The following MMP8 variants were observed in gnomAD, a reference collection of about 807,000 sequenced individuals.
MMP8 encodes the protein neutrophil collagenase.
Under a neutral mutation model 51.2 loss-of-function variants are expected in MMP8, and 67 were observed. The ratio of observed to expected loss-of-function variants is 1.31; its 90% confidence interval spans 1.08 to 1.60. The LOEUF (loss-of-function observed/expected upper bound fraction) is 1.60. Among genes scored for constraint, MMP8 ranks in the 40% most tolerant of loss-of-function variants. The pLI is 0.00. For missense variants in MMP8, 654 were observed against 558.1 expected, an observed-to-expected ratio of 1.17 and a Z score of -1.73; for synonymous variants, 225 against 191.0, an observed-to-expected ratio of 1.18 and a Z score of -1.47.
In MMP8 at chr11:102,722,981, T is replaced by G. The variant is rs1040351441; in HGVS notation, c.103-308A>C. On this transcript the variant is annotated intron_variant, in intron 1 of 9. Coordinates refer to ENST00000236826, the MANE Select transcript of MMP8 (RefSeq NM_002424.3). ...TGTCTTCTTGTTTTTACAAAAAAAT[T>G]AGGACTAACATTAATTGACTTCTCT... The G allele has an allele frequency of 3.0e-6, 4 of 1,320,052 alleles. No homozygotes were observed. The African/African-American group carries it at 6.0e-5, about 20-fold the overall frequency. The allele number at this position is 1,320,052 out of a possible 1,614,324, so 81.8% of individuals were successfully genotyped here.
intron 4 of MMP8, among the ~76,000 whole-genome samples, chr11:102,719,562 G>T (rs1861409822): frequency 6.6e-6 from 1 of 152,198 alleles, no homozygotes; most frequent in South Asian, 2.1e-4. Context: ...GTAAGTGACA[G>T]ATTGGGGTCA....
At chr11:102,718,753 T>C (rs1014289695) in intron 4 of MMP8, among the ~76,000 whole-genome samples, 178 bp from the exon 5 acceptor site, 2 of 152,186 alleles carry the variant, frequency 1.3e-5, no homozygotes, top group African/African-American at 4.8e-5. Context: ...AGAATCAAGA[T>C]AGTGGTCATA....
chr11:102,723,682 C>A (rs750597450), intron 1 of MMP8: 2 of 287,720 alleles, frequency 7.0e-6, no homozygotes, highest in Non-Finnish European at 1.4e-5. Context: ...AGAACCCACT[C>A]CAGCAAAAAT....
chr11:102,717,943 C>T (rs558410704), intron 5 of MMP8, among the ~76,000 whole-genome samples: 2 of 152,200 alleles, frequency 1.3e-5, no homozygotes, highest in East Asian at 3.9e-4. Context: ...CACCTCTCTA[C>T]TGAAAATACA....
chr11:102,715,227 C>T, intron 7 of MMP8, 77 bp downstream of exon 7: 4 of 1,515,030 alleles, frequency 2.6e-6, no homozygotes, highest in Non-Finnish European at 3.5e-6. Context: ...CACCATGAAC[C>T]TGAAAGGGAC....
chr11:102,721,307 T>G, intron 4 of MMP8, 94 bp downstream of exon 4: 1 of 1,448,278 alleles, frequency 6.9e-7, no homozygotes, highest in African/African-American at 1.7e-5. Context: ...TGAAATATTA[T>G]GTTACCTTTA....
At chr11:102,713,506 A>T in intron 9 of MMP8, 49 bp from the exon 10 acceptor site, 2 of 1,431,424 alleles carry the variant, frequency 1.4e-6, no homozygotes, top group Non-Finnish European at 2.0e-6. Context: ...AGAATATCTC[A>T]GATGTCTTCA....
intron 2 of MMP8, 39 bp downstream of exon 2, chr11:102,722,390 T>A: frequency 6.2e-7 from 1 of 1,605,754 alleles, no homozygotes; most frequent in Non-Finnish European, 8.5e-7. Context: ...CAGTCCATAC[T>A]GGATAAATGA....
intron 4 of MMP8, among the ~76,000 whole-genome samples, chr11:102,720,103 T>C (rs1429468588): frequency 6.6e-6 from 1 of 152,158 alleles, no homozygotes; most frequent in African/African-American, 2.4e-5. Flanking sequence ...GTTAGCCCGA[T>C]GTGAATGGAA....
intron 2 of MMP8, 75 bp downstream of exon 2, chr11:102,722,354 A>G: frequency 6.8e-7 from 1 of 1,470,960 alleles, no homozygotes; most frequent in Non-Finnish European, 9.3e-7. Context: ...GTGTATCCCA[A>G]GAACAGTGTC....
At chr11:102,719,387 C>T (rs1861403839) in intron 4 of MMP8, among the ~76,000 whole-genome samples, 1 of 149,060 alleles carries the variant, frequency 6.7e-6, no homozygotes, top group Admixed American at 6.6e-5. Flanking sequence ...TTGTATATGC[C>T]TACTTTTAAA....
intron 1 of MMP8, chr11:102,723,219 T>C (rs1861526339): frequency 2.4e-6 from 1 of 417,954 alleles, no homozygotes; most frequent in Non-Finnish European, 4.6e-6. Flanking sequence ...AGCAATATCA[T>C]TGATATTAGC....
intron 5 of MMP8, among the ~76,000 whole-genome samples, chr11:102,717,283 G>T (rs1861326388): frequency 6.6e-6 from 1 of 152,182 alleles, no homozygotes; most frequent in Non-Finnish European, 1.5e-5. Flanking sequence ...GAAGAGAGAT[G>T]TAATGGTCTT....
intron 4 of MMP8, 140 bp from the exon 5 acceptor site, chr11:102,718,715 C>T (rs1009712381): frequency 3.3e-6 from 3 of 905,712 alleles, no homozygotes; most frequent in Admixed American, 5.2e-5. Flanking sequence ...ATCTTTCTTT[C>T]AGATACCTGA....
Position 102,722,629 on chromosome 11 carries a change from C to A in MMP8, c.147G>T (p.Gln49His). The A allele has an allele frequency of 6.2e-7, 1 of 1,613,842 alleles. No individual in the cohort carries two copies. The highest frequency in any genetic ancestry group is 2.2e-5 in the East Asian group (1 of 44,886). ...KFYQLPSNQYQSTRKNGTNVI... is the reference protein window; with the variant it reads ...KFYQLPSNQYHSTRKNGTNVI... ...CATTAGTGCCATTCTTCCTTGTAGA[C>A]TGATACTGGTTGCTTGGTAATTGGT... Residue 49 changes from glutamine (Q) to histidine (H), a missense_variant, in exon 2 of 10, where the codon CAG (glutamine) becomes CAT (histidine). By Grantham distance (24) the Gln-to-His change is conservative. Transcript: ENST00000236826.
At chr11:102,721,276 A>G (rs968712173) in intron 4 of MMP8, 125 bp downstream of exon 4, 6 of 1,396,058 alleles carry the variant, frequency 4.3e-6, no homozygotes, top group Non-Finnish European at 5.8e-6. Context: ...AAAAATTTCA[A>G]ATGATCACTT....
chr11:102,723,797 A>T, intron 1 of MMP8: 1 of 254,904 alleles, frequency 3.9e-6, no homozygotes, highest in Non-Finnish European at 8.0e-6. Flanking sequence ...CATAAATTCA[A>T]GGGACACACT....
At chr11:102,723,661 C>G (rs191472060) in intron 1 of MMP8, 1 of 298,160 alleles carries the variant, frequency 3.4e-6, no homozygotes, top group African/African-American at 2.2e-5. Context: ...TAATCCAGTT[C>G]TGCAAGAGCC....
chr11:102,722,873 A>G (rs758141486), intron 1 of MMP8, 200 bp from the exon 2 acceptor site: 9 of 1,029,566 alleles, frequency 8.7e-6, no homozygotes, highest in Non-Finnish European at 1.2e-5. Context: ...TGCTCCAGTT[A>G]ATGGTTATGC....
Sources: gnomAD v4.1 joint callset for allele counts (sites outside exome capture counted in the v4.1 genomes callset) on GRCh38, gnomAD v4.1.1 for gene constraint, MANE v1.5 for transcripts, NCBI Gene and HGNC (gene_info 2026-07-23, HGNC 2026-07-21) for gene names.